The following VPS13A variants were observed in gnomAD, a reference collection of about 807,000 sequenced individuals.
VPS13A encodes vacuolar protein sorting 13 homolog A, also known as intermembrane lipid transfer protein VPS13A.
Under a neutral mutation model 390.9 loss-of-function variants are expected in VPS13A, and 264 were observed. That is an observed-to-expected ratio of 0.68 (90% CI 0.61 to 0.75). VPS13A has a LOEUF of 0.75. VPS13A is among the 30% of genes least tolerant of loss of function. The pLI is 0.00. For missense variants in VPS13A, 3,409 were observed against 3,733.9 expected (o/e 0.91, Z 2.27); for synonymous variants, 1,231 against 1,227.1 (o/e 1.00, Z -0.07).
chr9:77,299,826 A>G (rs1286467359), intron 33 of VPS13A, among the ~76,000 whole-genome samples: 2 of 152,210 alleles, frequency 1.3e-5, no homozygotes, highest in Non-Finnish European at 2.9e-5. Flanking sequence ...ACACGGGAAC[A>G]GAAAACCAAA....
chr9:77,399,049 G>A (rs1425572088), intron 68 of VPS13A, among the ~76,000 whole-genome samples: 2 of 143,802 alleles, frequency 1.4e-5, no homozygotes, highest in Non-Finnish European at 3.0e-5. Context: ...GATAGCATTG[G>A]GAGATATACC....
At position 77,269,093 on chromosome 9, in the gene VPS13A, G is replaced by A. The variant is rs76157150; in HGVS notation, c.2428-4187G>A. On this transcript the variant is annotated intron_variant, in intron 23 of 71. Coordinates refer to ENST00000360280, the MANE Select transcript of VPS13A (RefSeq NM_033305.3). ...TTTAATTTTGATACAATTGACTTTA[G>A]CAATATTTTCTCTAGATATTGAGCT... Among the ~76,000 whole-genome samples, 111 of 152,142 alleles carry A rather than the reference G, an allele frequency of 7.3e-4. No individual in the cohort carries two copies. The East Asian group carries it at 0.018, about 25-fold the overall frequency.
chr9:77,403,417 G>C (rs1228421367), intron 69 of VPS13A, 96 bp downstream of exon 69: 5 of 1,002,430 alleles, frequency 5.0e-6, no homozygotes, highest in Non-Finnish European at 6.2e-6. Flanking sequence ...GTTCCATATA[G>C]TCACACTGAT....
intron 3 of VPS13A, among the ~76,000 whole-genome samples, chr9:77,205,057 GTAAATAGAAAC>G (rs1825558020): frequency 6.6e-6 from 1 of 152,154 alleles, no homozygotes; most frequent in African/African-American, 2.4e-5. Context: ...ACAGAGAACT[GTAAATAGAAAC>G]TTGTATATTT....
Position 77,293,323 on chromosome 9 carries a change from A to T in VPS13A, c.3340-18A>T. 1 of 1,597,108 alleles carries T rather than the reference A, an allele frequency of 6.3e-7. No homozygotes were observed. The highest frequency in any genetic ancestry group is 8.6e-7 in the Non-Finnish European group (1 of 1,166,724). ...ATTTCAAAAATGGATTGTGATAATT[A>T]AATTTTCTCTTATTAAGGCTGTTTA... On this transcript the variant is annotated intron_variant, in intron 31 of 71. Transcript: ENST00000360280.
rs1020552362 is a variant in VPS13A at position 77,192,858 on chromosome 9, A to G, written c.101-7087A>G. On this transcript the variant is annotated intron_variant, in intron 1 of 71. Coordinates refer to ENST00000360280, the MANE Select transcript of VPS13A (RefSeq NM_033305.3). ...TTGTATAGTATCTTGCAGGGGTTCT[A>G]TGAATTTCCTGAATTTGCATGTCAA... Among the ~76,000 whole-genome samples, 4 of 152,108 alleles carry G rather than the reference A, an allele frequency of 2.6e-5. No homozygotes were observed. The South Asian group carries it at 6.2e-4, about 24-fold the overall frequency.
At chr9:77,357,251 G>A (rs965853057) in intron 55 of VPS13A, among the ~76,000 whole-genome samples, 6 of 148,360 alleles carry the variant, frequency 4.0e-5, no homozygotes, top group Admixed American at 2.0e-4. Context: ...CCCAGGAGGT[G>A]GAGGTTGCAG....
rs1828882029 is a variant in VPS13A at position 77,308,220 on chromosome 9, T to G, written c.4114+122T>G. 14 of 1,107,890 alleles carry G rather than the reference T, an allele frequency of 1.3e-5. No homozygotes were observed. The East Asian group carries it at 3.6e-4, about 28-fold the overall frequency. The allele number at this position is 1,107,890 out of a possible 1,614,324, so 68.6% of individuals were successfully genotyped here. A position where few individuals can be genotyped will look rare whatever the true frequency, so the allele number is the denominator to read the frequency against. On this transcript the variant is annotated intron_variant, in intron 35 of 71. Transcript: ENST00000360280. ...CTCCCCTCTTTCTCCCTCCTTTCCT[T>G]CTTTCTTTCCTTCTTTTTGTTTAGT...
At chr9:77,272,189 A>G (rs1303544761) in intron 23 of VPS13A, among the ~76,000 whole-genome samples, 1 of 152,148 alleles carries the variant, frequency 6.6e-6, no homozygotes, top group Non-Finnish European at 1.5e-5. Flanking sequence ...CTAGGATGAC[A>G]TGGCCAATGA....
rs17063588 is a variant in VPS13A at position 77,397,613 on chromosome 9, G to C, written c.9190-5623G>C. Among the ~76,000 whole-genome samples, 1,287 of 152,226 alleles carry C rather than the reference G, an allele frequency of 8.5e-3. 10 individuals are homozygous for C. Among genetic ancestry groups the C allele is most frequent in the South Asian group, 0.014 (66 of 4,824 alleles). ...ACATTTGGATGATTTGAGAGTGTTAGAAGTGTCTCTGTTACCATGGCTCTG... is the reference window on the plus strand; with the variant it reads ...ACATTTGGATGATTTGAGAGTGTTACAAGTGTCTCTGTTACCATGGCTCTG... On this transcript the variant is annotated intron_variant, in intron 68 of 71. Transcript: ENST00000360280.
intron 67 of VPS13A, among the ~76,000 whole-genome samples, chr9:77,374,486 T>C (rs1221526846): frequency 6.6e-6 from 1 of 152,090 alleles, no homozygotes; most frequent in Non-Finnish European, 1.5e-5. Context: ...ATGATTCATA[T>C]CCCAGGAAGG....
Position 77,316,213 on chromosome 9 carries a change from T to C in VPS13A, c.4670T>C (p.Ile1557Thr). The C allele has an allele frequency of 1.9e-6, 3 of 1,612,786 alleles. No individual in the cohort carries two copies. The highest frequency in any genetic ancestry group is 2.5e-6 in the Non-Finnish European group (3 of 1,179,098). ...TCAGTGAAGTGGGAAATTAATGTTA[T>C]TATTAAAAATCCTGAAATTGTGTTT... is the stretch of plus-strand genomic sequence containing the variant. ...QESVKWEINV[I>T]IKNPEIVFVA... Residue 1557 changes from isoleucine (I) to threonine (T), a missense_variant, in exon 39 of 72, where the codon ATT becomes ACT. Around this residue, in one of 5 missense-constraint regions of VPS13A, gnomAD observed 2,717 missense variants for 2,917.4 expected, o/e 0.93. Coordinates refer to ENST00000360280, the MANE Select transcript of VPS13A (RefSeq NM_033305.3).
chr9:77,398,499 G>A (rs1025326636), intron 68 of VPS13A, among the ~76,000 whole-genome samples: 5 of 152,142 alleles, frequency 3.3e-5, no homozygotes, highest in Admixed American at 1.3e-4. Flanking sequence ...ATGAGCAACA[G>A]GAGTTTTTCG....
intron 20 of VPS13A, among the ~76,000 whole-genome samples, chr9:77,248,230 T>C (rs1054517146): frequency 1.3e-5 from 2 of 151,924 alleles, no homozygotes; most frequent in Non-Finnish European, 2.9e-5. Context: ...TCTTTTTTTT[T>C]TTTGAGACAG....
intron 12 of VPS13A, 122 bp downstream of exon 12, chr9:77,220,505 G>A: frequency 2.9e-6 from 2 of 698,764 alleles, no homozygotes; most frequent in Non-Finnish European, 2.4e-6. Context: ...AACCATAATT[G>A]ATTTATAGCT....
At position 77,371,028 on chromosome 9, in the gene VPS13A, G is replaced by C. The variant is rs759411864; in HGVS notation, c.8956G>C (p.Ala2986Pro). The C allele has an allele frequency of 6.2e-7, 1 of 1,614,074 alleles. No individual in the cohort carries two copies. Among genetic ancestry groups the C allele is most frequent in the Non-Finnish European group, 8.5e-7 (1 of 1,179,992 alleles). ...CAAAAACTCTTTTTTCTTTCCAGGAGCTCAAAAAGGAGGAGCAGCTGGTTT... is the reference window on the plus strand; with the variant it reads ...CAAAAACTCTTTTTTCTTTCCAGGACCTCAAAAAGGAGGAGCAGCTGGTTT... ...TGIVTKPIKG[A>P]QKGGAAGFFK... Residue 2986 changes from alanine to proline, a missense_variant and splice_region_variant, in exon 67 of 72, where the codon GCT becomes CCT. Physicochemically the swap from Ala to Pro is conservative, Grantham distance 27. Around this residue, in one of 5 missense-constraint regions of VPS13A, gnomAD observed 318 missense variants for 333.7 expected, o/e 0.95. Coordinates refer to ENST00000360280, the MANE Select transcript of VPS13A (RefSeq NM_033305.3).
intron 45 of VPS13A, among the ~76,000 whole-genome samples, chr9:77,328,898 G>A (rs1007504833): frequency 1.2e-4 from 18 of 152,198 alleles, no homozygotes; most frequent in African/African-American, 4.3e-4. Flanking sequence ...TCATAGTGCA[G>A]CATGGCTGGA....
At chr9:77,275,938 C>G (rs558406140) in intron 25 of VPS13A, 127 bp from the exon 26 acceptor site, 2 of 1,023,556 alleles carry the variant, frequency 2.0e-6, no homozygotes, top group African/African-American at 3.2e-5. Flanking sequence ...GGTATAAAAT[C>G]TCTCCTAAAT....
Position 77,199,882 on chromosome 9 carries a change from C to T in VPS13A, c.101-63C>T, listed in dbSNP as rs535834952. On this transcript the variant is annotated intron_variant, in intron 1 of 71. Coordinates refer to ENST00000360280, the MANE Select transcript of VPS13A (RefSeq NM_033305.3). ...CTGATTATGACAGGAATGAAGCATA[C>T]ATATTAACTTTTTAAAATGAAAAAT... 3.7e-5 allele frequency: 49 copies of T among 1,341,874 alleles called. No individual in the cohort carries two copies. In the Admixed American group the frequency reaches 4.2e-4, roughly 11 times the overall value. 83.1% of individuals were successfully genotyped at this position (1,341,874 alleles called of 1,614,324 possible).
Sources: allele counts gnomAD v4.1 joint callset (sites outside exome capture counted in the v4.1 genomes callset), GRCh38; gene constraint gnomAD v4.1.1; regional missense constraint gnomAD v4.1.1; transcripts MANE v1.5; gene names NCBI Gene and HGNC (gene_info 2026-07-23, HGNC 2026-07-21).